The following ATP11A variants were observed in gnomAD, a reference collection of about 807,000 sequenced individuals.
The protein encoded by ATP11A is ATPase phospholipid transporting 11A.
In ATP11A, 81 loss-of-function variants were observed where a neutral mutation model predicts 154.4. The ratio of observed to expected loss-of-function variants is 0.52; its 90% CI spans 0.44 to 0.63. The LOEUF (loss-of-function observed/expected upper bound fraction) is 0.63, where lower values mean the gene tolerates loss of function less well. Ranked by LOEUF, ATP11A falls within the 30% of genes least tolerant of loss-of-function variation. ATP11A has a pLI of 0.00. For synonymous variants in ATP11A, 623 were observed against 585.9 expected (o/e 1.06, Z -0.91); for missense variants, 1,316 against 1,474.3 (o/e 0.89, Z 1.76).
chr13:112,780,846 T>A (rs573367420), intron 1 of ATP11A, among the ~76,000 whole-genome samples: 2 of 152,256 alleles, frequency 1.3e-5, no homozygotes, highest in South Asian at 4.1e-4. Context: ...GATGGAAGCC[T>A]CTGGCCGTGG....
chr13:112,761,106 C>T (rs555661996), intron 1 of ATP11A, among the ~76,000 whole-genome samples: 76 of 152,292 alleles, frequency 5.0e-4, no homozygotes, highest in African/African-American at 1.3e-3. Context: ...CTCCAGGCTG[C>T]GGACGCTCCC....
intron 24 of ATP11A, 106 bp downstream of exon 24, chr13:112,860,520 A>G: frequency 7.5e-7 from 1 of 1,341,380 alleles, no homozygotes; most frequent in Non-Finnish European, 1.0e-6. Context: ...GAGGGCCAGA[A>G]GCATTCGGCA....
At chr13:112,782,294 G>A (rs929870566) in intron 1 of ATP11A, among the ~76,000 whole-genome samples, 6 of 152,186 alleles carry the variant, frequency 3.9e-5, no homozygotes, top group African/African-American at 1.2e-4. Context: ...AATGCCACAC[G>A]GCTCCAGGGA....
Position 112,785,047 on chromosome 13 carries a change from G to T in ATP11A, c.40-88G>T. On this transcript the variant is annotated intron_variant, in intron 1 of 29. Transcript: ENST00000375645. This position sits in a 1 kb window ranked among gnomAD's most constrained non-coding sequence, Gnocchi z 4.8. ...AGCAGCAGGTACAGGTCTCCGTTCC[G>T]ACGAACGTGCCTCAAGGCAACACTC... The T allele has an allele frequency of 7.4e-7, 1 of 1,355,728 alleles. No individual in the cohort carries two copies. The allele number at this position is 1,355,728 out of a possible 1,614,324, so 84.0% of individuals were successfully genotyped here.
At chr13:112,770,598 G>A (rs900106526) in intron 1 of ATP11A, among the ~76,000 whole-genome samples, 8 of 152,202 alleles carry the variant, frequency 5.3e-5, no homozygotes, top group African/African-American at 1.9e-4. Context: ...GACGAAGGTG[G>A]GAGAGAACCG....
intron 1 of ATP11A, among the ~76,000 whole-genome samples, chr13:112,733,178 T>C (rs1017069602): frequency 6.6e-6 from 1 of 152,248 alleles, no homozygotes; most frequent in Non-Finnish European, 1.5e-5. Flanking sequence ...TTTTTCTCCT[T>C]GTCCATGCGC....
At chr13:112,721,181 T>G (rs1035144104) in intron 1 of ATP11A, among the ~76,000 whole-genome samples, 1 of 152,150 alleles carries the variant, frequency 6.6e-6, no homozygotes, top group Non-Finnish European at 1.5e-5. Context: ...CTCCTCTCAT[T>G]AGGGAGTTGG....
intron 13 of ATP11A, among the ~76,000 whole-genome samples, chr13:112,831,813 A>G (rs1039056911): frequency 3.3e-5 from 5 of 152,346 alleles, no homozygotes; most frequent in Admixed American, 2.0e-4. Flanking sequence ...GCACACGGAC[A>G]CACATGCACA....
chr13:112,732,405 T>C (rs943238049), intron 1 of ATP11A, among the ~76,000 whole-genome samples: 1 of 152,152 alleles, frequency 6.6e-6, no homozygotes, highest in African/African-American at 2.4e-5. Context: ...TCTTTCCTAC[T>C]CCCTGCTTCC....
Position 112,753,387 on chromosome 13 carries a change from C to T in ATP11A, c.40-31748C>T, listed in dbSNP as rs770737424. Among the ~76,000 whole-genome samples, 11 of 152,300 alleles carry T rather than the reference C, an allele frequency of 7.2e-5. No homozygotes were observed. The highest frequency in any genetic ancestry group is 1.2e-4 in the African/African-American group (5 of 41,570). The stretch of plus-strand genomic sequence containing the variant: ...AGGGAGATTTCTGAGAAGGGGGGTA[C>T]GTTTGCGGTTTGCTCTGTCAGTGCC... On this transcript the variant is annotated intron_variant, in intron 1 of 29. Coordinates refer to ENST00000375645, the MANE Select transcript of ATP11A (RefSeq NM_015205.3). This position sits in a 1 kb window ranked among gnomAD's most constrained non-coding sequence, Gnocchi z 4.1.
At chr13:112,881,147 C>T (rs2080872307) in intron 29 of ATP11A, 6 of 987,394 alleles carry the variant, frequency 6.1e-6, no homozygotes, top group Non-Finnish European at 7.2e-6. Flanking sequence ...GCATCCGCCG[C>T]TGCCCCCTGG....
intron 1 of ATP11A, among the ~76,000 whole-genome samples, chr13:112,700,414 C>T (rs900344420): frequency 1.3e-5 from 2 of 152,186 alleles, no homozygotes; most frequent in African/African-American, 2.4e-5. Context: ...AGGCTGGGTC[C>T]TTCCTTCCCC....
In ATP11A at chr13:112,885,257, A is replaced by C. The variant is rs2080956649; in HGVS notation, c.*3391A>C. ...TGATACACACATGCATGTACAGGTA[A>C]GCACACATGTACAAGCTCCTACAGG... is the stretch of plus-strand genomic sequence containing the variant. On this transcript the variant is annotated 3_prime_UTR_variant, in exon 30 of 30. Coordinates refer to ENST00000375645, the MANE Select transcript of ATP11A (RefSeq NM_015205.3). 1.3e-5 allele frequency: 2 copies of C among 150,932 alleles called. No individual in the cohort carries two copies. The highest frequency in any genetic ancestry group is 3.0e-5 in the Non-Finnish European group (2 of 67,310). 9.3% of individuals were successfully genotyped at this position (150,932 alleles called of 1,614,324 possible).
intron 17 of ATP11A, among the ~76,000 whole-genome samples, chr13:112,845,031 T>C (rs182852248): frequency 6.6e-6 from 1 of 150,474 alleles, no homozygotes; most frequent in Admixed American, 6.6e-5. Context: ...ACTAGTCCAG[T>C]TACCGGGCAC....
At chr13:112,877,801 G>A (rs1424241316) in intron 28 of ATP11A, among the ~76,000 whole-genome samples, 1 of 152,204 alleles carries the variant, frequency 6.6e-6, no homozygotes, top group Non-Finnish European at 1.5e-5. Context: ...CCACGCCCCC[G>A]GATGTGTCTG....
intron 25 of ATP11A, among the ~76,000 whole-genome samples, chr13:112,863,968 C>A (rs1369626833): frequency 1.5e-5 from 1 of 67,848 alleles, no homozygotes; most frequent in South Asian, 5.0e-4. Context: ...TCAGTGCGGC[C>A]CATGCAGCTT....
chr13:112,694,408 C>T (rs905600015), intron 1 of ATP11A, among the ~76,000 whole-genome samples: 6 of 152,122 alleles, frequency 3.9e-5, no homozygotes, highest in African/African-American at 9.7e-5. Context: ...CTGTGGGTCC[C>T]GGCCTGCTGG....
intron 2 of ATP11A, among the ~76,000 whole-genome samples, chr13:112,796,368 A>G (rs1025414510): frequency 1.3e-5 from 2 of 152,192 alleles, no homozygotes; most frequent in African/African-American, 4.8e-5. Context: ...AGCTGACATT[A>G]AAATAGGGAG....
chr13:112,841,725 A>G (rs2079426366), intron 16 of ATP11A, among the ~76,000 whole-genome samples: 1 of 152,274 alleles, frequency 6.6e-6, no homozygotes, highest in South Asian at 2.1e-4. Flanking sequence ...TGCCTGGAAG[A>G]GAAACTCGCT....
Sources: allele counts gnomAD v4.1 joint callset (sites outside exome capture counted in the v4.1 genomes callset), GRCh38; gene constraint gnomAD v4.1.1; non-coding constraint Gnocchi (gnomAD v3.1); transcripts MANE v1.5; gene names NCBI Gene and HGNC (gene_info 2026-07-23, HGNC 2026-07-21).